The following SPATS2L variants were observed in gnomAD, a reference collection of about 807,000 sequenced individuals.
SPATS2L encodes spermatogenesis associated serine rich 2 like.
A neutral mutation model predicts 59.6 loss-of-function variants in SPATS2L; 30 were observed. That is an observed-to-expected ratio of 0.50 (90% CI 0.38 to 0.68). The LOEUF (loss-of-function observed/expected upper bound fraction) is 0.68, where lower values mean the gene tolerates loss of function less well. SPATS2L is among the 30% of genes least tolerant of loss of function. The pLI is 0.00. For synonymous variants in SPATS2L, 252 were observed against 263.5 expected, an observed-to-expected ratio of 0.96 and a Z score of 0.42; for missense variants, 615 against 700.0, an observed-to-expected ratio of 0.88 and a Z score of 1.37.
intron 2 of SPATS2L, chr2:200,373,270 C>CAAAAAAAAA (rs3856514): frequency 3.1e-4 from 33 of 105,986 alleles, no homozygotes; most frequent in African/African-American, 4.5e-4. Flanking sequence ...ACTGCCTTAA[C>CAAAAAAAAA]AAAAAAAAAA....
At chr2:200,378,610 T>G (rs757078286) in intron 2 of SPATS2L, among the ~76,000 whole-genome samples, 6 of 152,212 alleles carry the variant, frequency 3.9e-5, no homozygotes, top group Non-Finnish European at 7.3e-5. Flanking sequence ...CTCTGCCACT[T>G]TGAGAAAATT....
intron 1 of SPATS2L, 55 bp downstream of exon 1, chr2:200,306,977 G>C (rs1452771848): frequency 1.0e-6 from 1 of 981,998 alleles, no homozygotes; most frequent in African/African-American, 1.8e-5. Flanking sequence ...GGCGCGGGCG[G>C]ACGCGGAGGG....
chr2:200,446,783 G>A (rs541348636), intron 8 of SPATS2L, among the ~76,000 whole-genome samples: 1 of 152,172 alleles, frequency 6.6e-6, no homozygotes, highest in South Asian at 2.1e-4. Flanking sequence ...TATGAAAGAG[G>A]GACTTTCCAA....
chr2:200,395,856 C>G (rs2082312539), intron 3 of SPATS2L, among the ~76,000 whole-genome samples: 1 of 150,250 alleles, frequency 6.7e-6, no homozygotes, highest in South Asian at 2.1e-4. Flanking sequence ...ACTAAAAATA[C>G]AAAAATTAGC....
chr2:200,329,624 CT>C, intron 2 of SPATS2L, 144 bp downstream of exon 2: 1 of 692,132 alleles, frequency 1.4e-6, no homozygotes, highest in South Asian at 1.8e-5. Flanking sequence ...CCAGAGTTCT[CT>C]TTTAGAGTGT....
In SPATS2L at chr2:200,479,608, C is replaced by T. The variant is rs1280834541; in HGVS notation, c.*1577C>T. 8 of 398,506 alleles carry T rather than the reference C, an allele frequency of 2.0e-5. No individual in the cohort carries two copies. Among genetic ancestry groups the T allele is most frequent in the Admixed American group, 8.8e-5 (2 of 22,714 alleles). The allele number at this position is 398,506 out of a possible 1,614,324, so 24.7% of individuals were successfully genotyped here. A position where few individuals can be genotyped will look rare whatever the true frequency, so the allele number is the denominator to read the frequency against. ...CCAAACCCAAAATAGCCCCAGTTCCCCTAACTTTGACTACAGGGCAGTCCA... is the reference window on the plus strand; with the variant it reads ...CCAAACCCAAAATAGCCCCAGTTCCTCTAACTTTGACTACAGGGCAGTCCA... On this transcript the variant is annotated 3_prime_UTR_variant, in exon 13 of 13. Transcript: ENST00000409140.
At chr2:200,312,858 A>C (rs2079238568) in intron 1 of SPATS2L, among the ~76,000 whole-genome samples, 1 of 152,232 alleles carries the variant, frequency 6.6e-6, no homozygotes, top group Admixed American at 6.5e-5. Flanking sequence ...AGCTGTTGCA[A>C]AGTACTAGTT....
chr2:200,395,341 ATGG>A (rs1201608929), intron 3 of SPATS2L, among the ~76,000 whole-genome samples: 2 of 152,242 alleles, frequency 1.3e-5, no homozygotes, highest in Non-Finnish European at 2.9e-5. Context: ...ATCTTTGTAA[ATGG>A]GGTTAATAGT....
At chr2:200,318,422 T>C (rs1170804847) in intron 1 of SPATS2L, among the ~76,000 whole-genome samples, 1 of 152,316 alleles carries the variant, frequency 6.6e-6, no homozygotes, top group South Asian at 2.1e-4. Context: ...AAGGAGACCA[T>C]GTAAATCTAC....
chr2:200,369,762 G>A (rs927811105), intron 2 of SPATS2L, among the ~76,000 whole-genome samples: 4 of 152,032 alleles, frequency 2.6e-5, no homozygotes, highest in South Asian at 2.1e-4. Context: ...TAGTGATGTC[G>A]AGTTTTGTGC....
intron 6 of SPATS2L, among the ~76,000 whole-genome samples, chr2:200,421,740 T>C (rs1574464216): frequency 6.6e-6 from 1 of 152,362 alleles, no homozygotes; most frequent in African/African-American, 2.4e-5. Flanking sequence ...CAATTTTCAC[T>C]GTGCCTACAA....
At chr2:200,419,112 T>C (rs1248739692) in intron 5 of SPATS2L, 138 bp from the exon 6 acceptor site, 2 of 775,524 alleles carry the variant, frequency 2.6e-6, no homozygotes, top group Non-Finnish European at 4.0e-6. Context: ...TTAATAAAGA[T>C]GTAAATATTC....
intron 9 of SPATS2L, among the ~76,000 whole-genome samples, 184 bp from the exon 10 acceptor site, chr2:200,467,106 A>G (rs1167096332): frequency 1.3e-5 from 2 of 152,226 alleles, no homozygotes; most frequent in Non-Finnish European, 2.9e-5. Flanking sequence ...GGAGGAGGAC[A>G]GGAGGAACTG....
chr2:200,458,137 C>A (rs2085981460), intron 8 of SPATS2L, among the ~76,000 whole-genome samples: 1 of 152,190 alleles, frequency 6.6e-6, no homozygotes, highest in South Asian at 2.1e-4. Context: ...TCCTACCTTA[C>A]CTATGCAAAC....
intron 1 of SPATS2L, among the ~76,000 whole-genome samples, chr2:200,309,578 T>G (rs1267366987): frequency 1.3e-5 from 2 of 152,084 alleles, no homozygotes; most frequent in East Asian, 1.9e-4. Flanking sequence ...GACATGAGAG[T>G]AGGTGTCTCA....
chr2:200,311,279 T>G (rs2079184950), intron 1 of SPATS2L, among the ~76,000 whole-genome samples: 1 of 152,212 alleles, frequency 6.6e-6, no homozygotes, highest in Non-Finnish European at 1.5e-5. Flanking sequence ...TCAAGATTTT[T>G]TTTTCCCATT....
At chr2:200,476,887 G>T (rs1357332900) in intron 12 of SPATS2L, among the ~76,000 whole-genome samples, 1 of 152,168 alleles carries the variant, frequency 6.6e-6, no homozygotes, top group African/African-American at 2.4e-5. Context: ...GGATTTTATT[G>T]CCATTGAAAG....
intron 6 of SPATS2L, among the ~76,000 whole-genome samples, chr2:200,422,551 A>AG (rs2083353599): frequency 1.3e-5 from 2 of 151,036 alleles, no homozygotes; most frequent in African/African-American, 2.4e-5. Flanking sequence ...AAAAAAAAAA[A>AG]AGGGGGAGGA....
chr2:200,310,454 C>T (rs2079156650), intron 1 of SPATS2L, among the ~76,000 whole-genome samples: 1 of 152,190 alleles, frequency 6.6e-6, no homozygotes, highest in Admixed American at 6.5e-5. Flanking sequence ...TCAGCCATCA[C>T]CGTTTCTAGG....
Sources: allele counts gnomAD v4.1 joint callset (sites outside exome capture counted in the v4.1 genomes callset), GRCh38; gene constraint gnomAD v4.1.1; transcripts MANE v1.5; gene names NCBI Gene and HGNC (gene_info 2026-07-23, HGNC 2026-07-21).